The following PRDM16 variants were observed in gnomAD, a reference collection of about 807,000 sequenced individuals.
PRDM16 encodes histone-lysine N-methyltransferase PRDM16.
In PRDM16, 23 loss-of-function variants were observed where a neutral mutation model predicts 110.6. The observed-to-expected ratio is 0.21, with a 90% CI of 0.15 to 0.29. PRDM16 has a LOEUF of 0.29. PRDM16 is among the 10% of genes least tolerant of loss of function. The pLI is 1.00. For synonymous variants in PRDM16, 799 were observed against 781.8 expected (o/e 1.02, Z -0.37); for missense variants, 1,615 against 1,794.3 (o/e 0.90, Z 1.81).
chr1:3,265,742 G>GC lies in PRDM16; in HGVS notation c.438+21609dup, dbSNP rs1640270486. Reference sequence around the variant, plus strand: ...GTGGTTAATCAGGAGGTCACAGTTAGCCCCAGCCAGACAGGCATTATCCAG... The same window carrying GC: ...GTGGTTAATCAGGAGGTCACAGTTAGCCCCCAGCCAGACAGGCATTATCCAG... On this transcript the variant is annotated intron_variant, in intron 3 of 16. Transcript: ENST00000270722. The surrounding 1 kb of genome is among the most constrained non-coding windows in gnomAD (Gnocchi z 4.5). Among the ~76,000 whole-genome samples the GC allele has an allele frequency of 6.6e-6, 1 of 152,122 alleles. No homozygotes were observed. Among genetic ancestry groups the GC allele is most frequent in the Admixed American group, 6.5e-5 (1 of 15,290 alleles).
intron 10 of PRDM16, 117 bp from the exon 11 acceptor site, chr1:3,417,710 TC>T: frequency 1.2e-6 from 1 of 864,520 alleles, no homozygotes; most frequent in Non-Finnish European, 1.9e-6. Context: ...GACCATTGCT[TC>T]CAGTGCCCAC....
At chr1:3,272,237 G>A (rs72632136) in intron 3 of PRDM16, among the ~76,000 whole-genome samples, 3,958 of 152,336 alleles carry the variant, frequency 0.026, 66 homozygotes, top group Middle Eastern at 0.075. Flanking sequence ...GGGGACAGGC[G>A]TGTGGTGAGA....
chr1:3,355,308 G>A (rs1380150101), intron 3 of PRDM16, among the ~76,000 whole-genome samples: 1 of 152,128 alleles, frequency 6.6e-6, no homozygotes, highest in Non-Finnish European at 1.5e-5. Context: ...GCCTAATGCA[G>A]GGAGATGGCC....
At chr1:3,106,156 G>A (rs964573353) in intron 1 of PRDM16, among the ~76,000 whole-genome samples, 3 of 152,242 alleles carry the variant, frequency 2.0e-5, no homozygotes, top group Non-Finnish European at 2.9e-5. Context: ...CAGGGTGGGC[G>A]GGGTATGGGG....
intron 1 of PRDM16, among the ~76,000 whole-genome samples, chr1:3,181,943 C>T (rs143253228): frequency 2.6e-5 from 4 of 151,372 alleles, no homozygotes; most frequent in Non-Finnish European, 4.4e-5. Flanking sequence ...CACATGCTTA[C>T]ACACACAGTC....
chr1:3,247,448 G>T (rs934721094), intron 3 of PRDM16, among the ~76,000 whole-genome samples: 3 of 152,166 alleles, frequency 2.0e-5, no homozygotes, highest in Non-Finnish European at 2.9e-5. Context: ...CCTGGGATTC[G>T]AACTCAGGAC....
chr1:3,351,610 C>G (rs2100538041), intron 3 of PRDM16, among the ~76,000 whole-genome samples: 1 of 21,868 alleles, frequency 4.6e-5, no homozygotes, highest in South Asian at 2.1e-3. Context: ...CTCCCTCTCT[C>G]TCCCCCTCCC....
chr1:3,378,813 C>T (rs553537920), intron 3 of PRDM16, among the ~76,000 whole-genome samples: 1 of 152,154 alleles, frequency 6.6e-6, no homozygotes, highest in Admixed American at 6.5e-5. Flanking sequence ...GAACCACGGC[C>T]CAGGGCCACT....
chr1:3,088,799 T>C (rs1039355799), intron 1 of PRDM16, among the ~76,000 whole-genome samples: 11 of 150,286 alleles, frequency 7.3e-5, no homozygotes, highest in African/African-American at 2.7e-4. Context: ...TATTTATTTA[T>C]TTTTTGGAGA....
intron 5 of PRDM16, among the ~76,000 whole-genome samples, chr1:3,402,533 C>T (rs1643490016): frequency 6.6e-6 from 1 of 152,214 alleles, no homozygotes; most frequent in Non-Finnish European, 1.5e-5. Context: ...CCGGGTGTCG[C>T]CCGGGGCTCC....
chr1:3,123,999 C>T (rs1057425520), intron 1 of PRDM16, among the ~76,000 whole-genome samples: 4 of 152,210 alleles, frequency 2.6e-5, no homozygotes, highest in South Asian at 2.1e-4. Context: ...GCGTCCGAGT[C>T]GTCTCCTTCT....
chr1:3,271,085 G>A (rs1003327590), intron 3 of PRDM16, among the ~76,000 whole-genome samples: 3 of 152,204 alleles, frequency 2.0e-5, no homozygotes, highest in Non-Finnish European at 2.9e-5. Flanking sequence ...GCCCCGCCAC[G>A]TGCATGCAGG....
chr1:3,213,862 A>G lies in PRDM16; in HGVS notation c.387+27388A>G, dbSNP rs1270767650. Among the ~76,000 whole-genome samples, 1 of 152,034 alleles carries G rather than the reference A, an allele frequency of 6.6e-6. No individual in the cohort carries two copies. Among genetic ancestry groups the G allele is most frequent in the Non-Finnish European group, 1.5e-5 (1 of 68,004 alleles). The stretch of plus-strand genomic sequence containing the variant: ...CAGGAGGCCTTGCCACCCCCCATTA[A>G]TCCTGCAATTCCAGATCATTATCAA... On this transcript the variant is annotated intron_variant, in intron 2 of 16. Transcript: ENST00000270722. This position sits in a 1 kb window ranked among gnomAD's most constrained non-coding sequence, Gnocchi z 5.3.
rs528948343 is a variant in PRDM16 at position 3,340,128 on chromosome 1, A to G, written c.439-45024A>G. Among the ~76,000 whole-genome samples the G allele has an allele frequency of 2.0e-4, 31 of 152,004 alleles. 1 individual carries two copies. Among genetic ancestry groups the G allele is most frequent in the Non-Finnish European group, 2.1e-4 (14 of 67,992 alleles). On this transcript the variant is annotated intron_variant, in intron 3 of 16. Coordinates refer to ENST00000270722, the MANE Select transcript of PRDM16 (RefSeq NM_022114.4). ...AGCTTCATGGGTAAAGTGTGACCCT[A>G]TTTCCTTTGGGTAAAACACAGGTGG...
intron 1 of PRDM16, among the ~76,000 whole-genome samples, chr1:3,161,852 G>A (rs1176003173): frequency 2.0e-5 from 3 of 152,240 alleles, no homozygotes; most frequent in African/African-American, 7.2e-5. Context: ...TTTGGACCAC[G>A]TTCGGCAGAG....
At chr1:3,316,689 A>T (rs1295134460) in intron 3 of PRDM16, among the ~76,000 whole-genome samples, 1 of 152,104 alleles carries the variant, frequency 6.6e-6, no homozygotes, top group Non-Finnish European at 1.5e-5. Context: ...GACACAGGGT[A>T]GACAGGAAAC....
rs890333427 is a variant in PRDM16, at chr1:3,142,506, C to T, written c.38-43619C>T. Among the ~76,000 whole-genome samples, 48 of 150,624 alleles carry T rather than the reference C, an allele frequency of 3.2e-4. 1 individual carries two copies. Among genetic ancestry groups the T allele is most frequent in the African/African-American group, 4.9e-5 (2 of 40,958 alleles). On this transcript the variant is annotated intron_variant, in intron 1 of 16. Coordinates refer to ENST00000270722, the MANE Select transcript of PRDM16 (RefSeq NM_022114.4). ...TGGTCTCGGGGCAGGCGCCGTCGAA[C>T]GGGATGCACAAAAGCACAGGGATCC...
At chr1:3,119,128 G>A (rs1254710596) in intron 1 of PRDM16, among the ~76,000 whole-genome samples, 4 of 152,204 alleles carry the variant, frequency 2.6e-5, no homozygotes, top group African/African-American at 9.6e-5. Flanking sequence ...GGGACTGGCT[G>A]GCCTAGTGAC....
chr1:3,282,709 G>A (rs983694501), intron 3 of PRDM16, among the ~76,000 whole-genome samples: 2 of 152,164 alleles, frequency 1.3e-5, no homozygotes, highest in African/African-American at 4.8e-5. Flanking sequence ...ACCAGAGCTG[G>A]TCACTGCCAC....
Sources: gnomAD v4.1 joint callset for allele counts (sites outside exome capture counted in the v4.1 genomes callset) on GRCh38, gnomAD v4.1.1 for gene constraint, Gnocchi (gnomAD v3.1) non-coding constraint, MANE v1.5 for transcripts, NCBI Gene and HGNC (gene_info 2026-07-23, HGNC 2026-07-21) for gene names.